The following ATP13A2 variants were observed in gnomAD, a reference collection of about 807,000 sequenced individuals.
ATP13A2 encodes the protein polyamine-transporting ATPase 13A2.
A neutral mutation model predicts 138.3 loss-of-function variants in ATP13A2; 83 were observed. The observed-to-expected ratio is 0.60, with a 90% CI of 0.50 to 0.72. The LOEUF (loss-of-function observed/expected upper bound fraction) is 0.72. ATP13A2 is among the 30% of genes least tolerant of loss of function. The pLI is 0.00. For missense variants in ATP13A2, 1,402 were observed against 1,606.4 expected, an observed-to-expected ratio of 0.87 and a Z score of 2.17; for synonymous variants, 663 against 699.0, an observed-to-expected ratio of 0.95 and a Z score of 0.81.
chr1:16,996,151 T>C lies in ATP13A2; in HGVS notation c.1367A>G (p.Glu456Gly). Residue 456 changes from glutamate to glycine, a missense_variant, in exon 15 of 29, where the codon GAG (glutamate) becomes GGG (glycine). Transcript: ENST00000326735. Reference protein sequence around the residue: ...ILYRNRVPLNEIVIRALDLVT... With the variant: ...ILYRNRVPLNGIVIRALDLVT... ...CAGGTCGAGAGCCCGGATTACAATC[T>C]CATTCAGAGGCACCTGGCAGGGGGC... 1 of 1,614,114 alleles carries C rather than the reference T, an allele frequency of 6.2e-7. No homozygotes were observed. The highest frequency in any genetic ancestry group is 8.5e-7 in the Non-Finnish European group (1 of 1,180,034).
At chr1:16,997,249 A>T in intron 11 of ATP13A2, 74 bp from the exon 12 acceptor site, 1 of 1,573,586 alleles carries the variant, frequency 6.4e-7, no homozygotes, top group Non-Finnish European at 8.7e-7. Context: ...TCTGTGTAGA[A>T]TTGTCCCACA....
At position 16,993,381 on chromosome 1, in the gene ATP13A2, T is replaced by C. The variant is rs181204334; in HGVS notation, c.1749+248A>G. The stretch of plus-strand genomic sequence containing the variant: ...CACCACCACGCCCGGCTAATTTTTG[T>C]ATTTTTGGCAGAGATGGGGTTTTGC... On this transcript the variant is annotated intron_variant, in intron 16 of 28. Coordinates refer to ENST00000326735, the MANE Select transcript of ATP13A2 (RefSeq NM_022089.4). Among the ~76,000 whole-genome samples the C allele has an allele frequency of 3.3e-4, 51 of 152,296 alleles. No homozygotes were observed. The East Asian group carries it at 8.5e-3, about 25-fold the overall frequency.
Position 17,000,005 on chromosome 1 carries a change from G to GCT in ATP13A2, c.1039+4_1039+5dup. ...GGAAGCTGCAGGCCAGGGGCTGGGG[G>GCT]CTCACCTGTCAGAGAGCTCTCATTC... On this transcript the variant is annotated splice_donor_region_variant and intron_variant, in intron 11 of 28. Transcript: ENST00000326735. 1 of 1,602,238 alleles carries GCT rather than the reference G, an allele frequency of 6.2e-7. No individual in the cohort carries two copies. Among genetic ancestry groups the GCT allele is most frequent in the Non-Finnish European group, 8.5e-7 (1 of 1,173,490 alleles).
rs147104822 is a variant in ATP13A2 at position 16,987,491 on chromosome 1, G to A, written c.2860-222C>T. On this transcript the variant is annotated intron_variant, in intron 25 of 28. Coordinates refer to ENST00000326735, the MANE Select transcript of ATP13A2 (RefSeq NM_022089.4). ...GGAAAGGGCACCTGTGCTGACCTTG[G>A]GGGCCTAAATCTGAGGGGAGGTTTC... Among the ~76,000 whole-genome samples the A allele has an allele frequency of 9.4e-3, 1,434 of 152,304 alleles. 27 individuals are homozygous for A. The highest frequency in any genetic ancestry group is 0.033 in the African/African-American group (1,374 of 41,548).
At chr1:17,010,610 T>C (rs540360361) in intron 1 of ATP13A2, among the ~76,000 whole-genome samples, 1 of 152,318 alleles carries the variant, frequency 6.6e-6, no homozygotes, top group South Asian at 2.1e-4. Flanking sequence ...AATGGGCACA[T>C]TCTTTCCCAC....
chr1:17,010,953 TC>T (rs2077764216), intron 1 of ATP13A2, among the ~76,000 whole-genome samples: 1 of 152,066 alleles, frequency 6.6e-6, no homozygotes. Flanking sequence ...CATCTTCCCA[TC>T]TTTGGATCTG....
intron 1 of ATP13A2, among the ~76,000 whole-genome samples, chr1:17,010,472 A>G (rs2101367190): frequency 6.6e-6 from 1 of 152,296 alleles, no homozygotes; most frequent in Admixed American, 6.5e-5. Flanking sequence ...AGCTTCACAC[A>G]CAACCCTCTG....
intron 25 of ATP13A2, 87 bp from the exon 26 acceptor site, chr1:16,987,356 C>T (rs538297552): frequency 4.6e-5 from 59 of 1,276,782 alleles, no homozygotes; most frequent in Non-Finnish European, 5.8e-5. Context: ...ACCCCTGCCC[C>T]GAAGGAATCT....
rs2076878171 is a variant in ATP13A2, at chr1:16,990,152, G to A, written c.2387C>T (p.Ser796Phe). 9 of 1,614,164 alleles carry A rather than the reference G, an allele frequency of 5.6e-6. No homozygotes were observed. The highest frequency in any genetic ancestry group is 7.6e-6 in the Non-Finnish European group (9 of 1,180,020). The change falls in exon 21 of 29, where the codon TCC becomes TTC. Residue 796 changes from serine (S) to phenylalanine (F), a missense_variant. Ser to Phe is a radical substitution (Grantham distance 155). Coordinates refer to ENST00000326735, the MANE Select transcript of ATP13A2 (RefSeq NM_022089.4). ...CTTAACGCCATTCACGGCTGTGGGG[G>A]ACTCCATCGGCAGGAACTCGAGAGA... ...PASLEFLPME[S>F]PTAVNGVKDP... is the part of the protein sequence containing the mutation.
chr1:16,999,175 G>T (rs2100974895), intron 11 of ATP13A2, among the ~76,000 whole-genome samples: 1 of 152,132 alleles, frequency 6.6e-6, no homozygotes, highest in East Asian at 1.9e-4. Flanking sequence ...GAGGTCAGGA[G>T]TTCAAGACCA....
At position 17,005,445 on chromosome 1, in the gene ATP13A2, C is replaced by T. The variant is rs1264349572; in HGVS notation, c.217G>A (p.Val73Met). ...TTGCAGGGCCGGAGCCGCAGCCGCA[C>T]CCCCCACAGGGGCTTCCAACGGAAG... ...LLFRWKPLWG[V>M]RLRLRPCNLA... Residue 73 changes from valine (V) to methionine (M), a missense_variant, in exon 3 of 29, where the codon GTG becomes ATG. Val to Met is a conservative substitution (Grantham distance 21). Transcript: ENST00000326735. 2.5e-6 allele frequency: 4 copies of T among 1,614,052 alleles called. No homozygotes were observed. Among genetic ancestry groups the T allele is most frequent in the Admixed American group, 3.3e-5 (2 of 59,992 alleles).
intron 11 of ATP13A2, among the ~76,000 whole-genome samples, chr1:16,998,718 T>A (rs975787014): frequency 6.6e-6 from 1 of 152,122 alleles, no homozygotes; most frequent in South Asian, 2.1e-4. Context: ...TAAATACTCA[T>A]GGCGAGCGGG....
At position 17,000,743 on chromosome 1, in the gene ATP13A2, AC is replaced by A. The variant is rs1294632685; in HGVS notation, c.706-210del. 8.1e-5 allele frequency: 52 copies of A among 641,304 alleles called. 2 individuals carry two copies. Among genetic ancestry groups the A allele is most frequent in the South Asian group, 7.2e-4 (35 of 48,706 alleles). 39.7% of individuals were successfully genotyped at this position (641,304 alleles called of 1,614,324 possible). A position where few individuals can be genotyped will look rare whatever the true frequency, so the allele number is the denominator to read the frequency against. ...GCTCTAAAGAGGACAAGGGTTTATG[AC>A]CAGCCTGGGCAACATGGCGAAACCC... is the stretch of plus-strand genomic sequence containing the variant. On this transcript the variant is annotated intron_variant, in intron 8 of 28. Transcript: ENST00000326735.
At chr1:16,993,247 G>A (rs928450897) in intron 16 of ATP13A2, among the ~76,000 whole-genome samples, 9 of 151,380 alleles carry the variant, frequency 5.9e-5, no homozygotes, top group African/African-American at 1.9e-4. Flanking sequence ...ACAGGGTCTC[G>A]TTCTGTTACC....
chr1:16,989,945 G>A lies in ATP13A2; in HGVS notation c.2471C>T (p.Ala824Val). The A allele has an allele frequency of 1.2e-6, 2 of 1,604,030 alleles. No homozygotes were observed. Among genetic ancestry groups the A allele is most frequent in the Admixed American group, 1.7e-5 (1 of 57,656 alleles). The stretch of plus-strand genomic sequence containing the variant: ...GATACCAAAGGTGGGCCCGCTGAGG[G>A]CCAGGTGCCTGGATCGGGGGTCTGG... Reference protein sequence around the residue: ...VEPDPRSRHLALSGPTFGIIV... With the variant: ...VEPDPRSRHLVLSGPTFGIIV... Residue 824 changes from alanine to valine, a missense_variant, in exon 22 of 29, where the codon GCC (alanine) becomes GTC (valine). By Grantham distance (64) the Ala-to-Val change is moderately conservative. Coordinates refer to ENST00000326735, the MANE Select transcript of ATP13A2 (RefSeq NM_022089.4).
rs781237053 is a variant in ATP13A2, at chr1:17,004,460, G to A, written c.478-49C>T. ...GGGTTGGAAGCTGGCCCCGGCCCCA[G>A]AAGCAGTGTGCTTATGCTGGGAGCC... On this transcript the variant is annotated intron_variant, in intron 5 of 28. Coordinates refer to ENST00000326735, the MANE Select transcript of ATP13A2 (RefSeq NM_022089.4). This position sits in a 1 kb window ranked among gnomAD's most constrained non-coding sequence, Gnocchi z 4.1. 4 of 1,600,468 alleles carry A rather than the reference G, an allele frequency of 2.5e-6. No homozygotes were observed. In the Admixed American group the frequency reaches 6.7e-5, roughly 27 times the overall value.
At chr1:17,008,031 G>C (rs1033763060) in intron 1 of ATP13A2, among the ~76,000 whole-genome samples, 2 of 151,586 alleles carry the variant, frequency 1.3e-5, no homozygotes, top group Non-Finnish European at 2.9e-5. Context: ...CCTCGGTTGT[G>C]ATGTCCTTTC....
In ATP13A2 at chr1:17,011,848, G is replaced by T; in HGVS notation, c.-110C>A. 4.9e-6 allele frequency: 5 copies of T among 1,015,540 alleles called. No individual in the cohort carries two copies. Among genetic ancestry groups the T allele is most frequent in the Non-Finnish European group, 5.9e-6 (5 of 841,096 alleles). The allele number at this position is 1,015,540 out of a possible 1,614,324, so 62.9% of individuals were successfully genotyped here. The stretch of plus-strand genomic sequence containing the variant: ...CGGTCCGGACGGCCCGGGGCGAGGG[G>T]CGCTGGGCTAGCGCGGGGCTGGAGC... On this transcript the variant is annotated 5_prime_UTR_variant, in exon 1 of 29. Transcript: ENST00000326735. This position sits in a 1 kb window ranked among gnomAD's most constrained non-coding sequence, Gnocchi z 7.3.
At chr1:16,989,243 G>A (rs1486227910) in intron 23 of ATP13A2, among the ~76,000 whole-genome samples, 7 of 150,940 alleles carry the variant, frequency 4.6e-5, no homozygotes, top group African/African-American at 1.2e-4. Context: ...ACGGAGTCTC[G>A]CTCTGTTGCC....
Sources: allele counts gnomAD v4.1 joint callset (sites outside exome capture counted in the v4.1 genomes callset), GRCh38; gene constraint gnomAD v4.1.1; non-coding constraint Gnocchi (gnomAD v3.1); transcripts MANE v1.5; gene names NCBI Gene and HGNC (gene_info 2026-07-23, HGNC 2026-07-21).